Variants in HPGD observed in about 807,000 individuals in gnomAD.
The protein encoded by HPGD is 15-hydroxyprostaglandin dehydrogenase [NAD(+)].
In HPGD, 29 loss-of-function variants were observed where a neutral mutation model predicts 30.0. The ratio of observed to expected loss-of-function variants is 0.97; its 90% CI spans 0.72 to 1.32. The LOEUF (loss-of-function observed/expected upper bound fraction) is 1.32, where lower values mean the gene tolerates loss of function less well. HPGD is among the 40% of genes most tolerant of loss of function. HPGD has a pLI of 0.00. For missense variants in HPGD, 340 were observed against 322.1 expected (o/e 1.06, Z -0.43); for synonymous variants, 99 against 112.4 (o/e 0.88, Z 0.75).
rs1197116427 is a variant in HPGD, at chr4:174,492,921, G to A, written c.662+230C>T. 6.6e-6 allele frequency among the ~76,000 whole-genome samples: 1 copy of A among 152,000 alleles called. No homozygotes were observed. Among genetic ancestry groups the A allele is most frequent in the Non-Finnish European group, 1.5e-5 (1 of 67,944 alleles). On this transcript the variant is annotated intron_variant, in intron 6 of 6. Coordinates refer to ENST00000296522, the MANE Select transcript of HPGD (RefSeq NM_000860.6). This position sits in a 1 kb window ranked among gnomAD's most constrained non-coding sequence, Gnocchi z 4.9. The stretch of plus-strand genomic sequence containing the variant: ...CTAAATATCAACTTTATGACTGATG[G>A]TAGTAATGAAGCATTTTACATATTT...
At chr4:174,495,874 G>A (rs1734573255) in intron 4 of HPGD, 2 of 496,200 alleles carry the variant, frequency 4.0e-6, no homozygotes, top group South Asian at 4.5e-5. Context: ...AGTTATATGT[G>A]TTTTTCTGCC....
intron 2 of HPGD, among the ~76,000 whole-genome samples, chr4:174,520,034 A>G (rs537991518): frequency 1.4e-4 from 21 of 149,994 alleles, no homozygotes; most frequent in African/African-American, 4.9e-4. Flanking sequence ...GTCCCCCAGT[A>G]TTTTTTTTTT....
chr4:174,494,028 T>C lies in HPGD; in HGVS notation c.499-714A>G, dbSNP rs1195428418. Among the ~76,000 whole-genome samples, 2 of 152,170 alleles carry C rather than the reference T, an allele frequency of 1.3e-5. No homozygotes were observed. The highest frequency in any genetic ancestry group is 2.9e-5 in the Non-Finnish European group (2 of 68,026). ...TGAGGTCAAGTAAGACTATACTCTG[T>C]CGTGCCATGTTTTTCTAATTTTGTG... On this transcript the variant is annotated intron_variant, in intron 5 of 6. Transcript: ENST00000296522. The surrounding 1 kb of genome is among the most constrained non-coding windows in gnomAD (Gnocchi z 4.9).
chr4:174,503,772 GAGTGCAGT>G (rs1236160994), intron 4 of HPGD, among the ~76,000 whole-genome samples: 3 of 151,652 alleles, frequency 2.0e-5, no homozygotes, highest in Non-Finnish European at 4.4e-5. Context: ...GCCCAGGCTG[GAGTGCAGT>G]AGTGCAATCA....
chr4:174,522,081 G>A lies in HPGD; in HGVS notation c.94-14C>T. ...CACCAGCGCTACCTATAGACAAGAG[G>A]AGAGGAATCGCGGGCCTGCGCAGCT... On this transcript the variant is annotated splice_polypyrimidine_tract_variant and intron_variant, in intron 1 of 6. Transcript: ENST00000296522. The A allele has an allele frequency of 6.2e-7, 1 of 1,614,126 alleles. No homozygotes were observed. The highest frequency in any genetic ancestry group is 1.1e-5 in the South Asian group (1 of 91,070).
At chr4:174,505,415 T>C (rs1735134567) in intron 4 of HPGD, among the ~76,000 whole-genome samples, 1 of 152,186 alleles carries the variant, frequency 6.6e-6, no homozygotes, top group African/African-American at 2.4e-5. Flanking sequence ...AGGCAAATAT[T>C]AGAAGTACTC....
intron 3 of HPGD, 85 bp downstream of exon 3, chr4:174,517,886 T>C: frequency 1.4e-6 from 1 of 735,034 alleles, no homozygotes. Context: ...TTGTTTTGTT[T>C]CCATGACTCC....
At chr4:174,500,473 T>C (rs1173352108) in intron 4 of HPGD, among the ~76,000 whole-genome samples, 1 of 152,238 alleles carries the variant, frequency 6.6e-6, no homozygotes, top group Non-Finnish European at 1.5e-5. Flanking sequence ...GCTTTATTAA[T>C]TGCCAAAACT....
chr4:174,505,748 C>T (rs1473800483), intron 4 of HPGD, among the ~76,000 whole-genome samples: 1 of 152,110 alleles, frequency 6.6e-6, no homozygotes, highest in Non-Finnish European at 1.5e-5. Context: ...ACAGTATAAA[C>T]ACAAGAGGTG....
chr4:174,491,711 T>C lies in HPGD; in HGVS notation c.*245A>G, dbSNP rs1734352012. On this transcript the variant is annotated 3_prime_UTR_variant, in exon 7 of 7. Coordinates refer to ENST00000296522, the MANE Select transcript of HPGD (RefSeq NM_000860.6). The stretch of plus-strand genomic sequence containing the variant: ...AATATTGAATATTCCTTGAAAATCA[T>C]TTGTTTTGATCATTTTTTAGACTAT... 1 of 446,488 alleles carries C rather than the reference T, an allele frequency of 2.2e-6. No homozygotes were observed. The highest frequency in any genetic ancestry group is 4.1e-6 in the Non-Finnish European group (1 of 245,326). 27.7% of individuals were successfully genotyped at this position (446,488 alleles called of 1,614,324 possible).
chr4:174,521,355 T>G (rs935346802), intron 2 of HPGD, among the ~76,000 whole-genome samples: 1 of 152,204 alleles, frequency 6.6e-6, no homozygotes, highest in Admixed American at 6.5e-5. Flanking sequence ...GAGGAAAGGC[T>G]GATAGAGATG....
At chr4:174,522,589 G>T, upstream of HPGD, 1 of 568,338 alleles carries the variant, frequency 1.8e-6, no homozygotes, top group Non-Finnish European at 2.9e-6. Context: ...AAACTGTCAA[G>T]CCAGCGCCCG....
intron 2 of HPGD, among the ~76,000 whole-genome samples, chr4:174,521,094 G>A (rs1029376387): frequency 1.3e-5 from 2 of 152,070 alleles, no homozygotes; most frequent in South Asian, 2.1e-4. Context: ...ATTAAAAAGT[G>A]CCTTACAATT....
Position 174,522,346 on chromosome 4 carries a change from G to GC in HPGD, c.93+12dup. 6.4e-7 allele frequency: 1 copy of GC among 1,553,912 alleles called. No individual in the cohort carries two copies. Among genetic ancestry groups the GC allele is most frequent in the Non-Finnish European group, 8.7e-7 (1 of 1,148,136 alleles). On this transcript the variant is annotated intron_variant, in intron 1 of 6. Coordinates refer to ENST00000296522, the MANE Select transcript of HPGD (RefSeq NM_000860.6). The stretch of plus-strand genomic sequence containing the variant: ...TGGGCAGAGAAATTTCCGCGGCTGG[G>GC]CGCCGGGCTTACCTTGGCGCCCTTA...
At chr4:174,501,490 T>C (rs1734896838) in intron 4 of HPGD, among the ~76,000 whole-genome samples, 1 of 152,212 alleles carries the variant, frequency 6.6e-6, no homozygotes, top group Non-Finnish European at 1.5e-5. Context: ...GTACCTCTGA[T>C]AGGCCCACCA....
intron 4 of HPGD, among the ~76,000 whole-genome samples, chr4:174,505,907 G>C (rs933953722): frequency 7.2e-5 from 11 of 152,154 alleles, no homozygotes; most frequent in African/African-American, 2.4e-4. Flanking sequence ...AAATCAGAGG[G>C]AGAAGCAGTT....
chr4:174,497,568 C>CTTTCTTTT (rs1360019053), intron 4 of HPGD, among the ~76,000 whole-genome samples: 1,874 of 50,778 alleles, frequency 0.037, 446 homozygotes, highest in Non-Finnish European at 0.06. Context: ...CTTTTTCTTT[C>CTTTCTTTT]TTTTTTTTTT....
chr4:174,507,390 T>C (rs1437352924), intron 4 of HPGD: 1 of 152,136 alleles, frequency 6.6e-6, no homozygotes, highest in Non-Finnish European at 1.5e-5. Flanking sequence ...GATTTCTAAA[T>C]CTCCTCTGGT....
At chr4:174,516,007 G>A (rs370079819) in intron 3 of HPGD, among the ~76,000 whole-genome samples, 1 of 152,252 alleles carries the variant, frequency 6.6e-6, no homozygotes, top group Admixed American at 6.5e-5. Flanking sequence ...GCTTGGCGAG[G>A]CTGTAGAGAA....
Sources: allele counts gnomAD v4.1 joint callset (sites outside exome capture counted in the v4.1 genomes callset), GRCh38; gene constraint gnomAD v4.1.1; non-coding constraint Gnocchi (gnomAD v3.1); transcripts MANE v1.5; gene names NCBI Gene and HGNC (gene_info 2026-07-23, HGNC 2026-07-21).